Variants in DENND5A observed in about 807,000 individuals in gnomAD.
The protein encoded by DENND5A is DENN domain-containing protein 5A.
DENND5A carries 64 observed loss-of-function variants against 140.3 expected under a neutral mutation model. That is an observed-to-expected ratio of 0.46 (90% confidence interval 0.37 to 0.56). DENND5A has a LOEUF of 0.56. Among genes scored for constraint, DENND5A ranks in the 20% least tolerant of loss-of-function variants. The pLI, the probability that DENND5A is intolerant of heterozygous loss-of-function variation, is 0.00. For synonymous variants in DENND5A, 605 were observed against 607.7 expected, an observed-to-expected ratio of 1.00 and a Z score of 0.07; for missense variants, 1,292 against 1,593.8, an observed-to-expected ratio of 0.81 and a Z score of 3.22.
chr11:9,153,578 G>A (rs1013258609), intron 12 of DENND5A, among the ~76,000 whole-genome samples: 21 of 152,138 alleles, frequency 1.4e-4, no homozygotes, highest in African/African-American at 4.6e-4. Flanking sequence ...GAACTTCTCT[G>A]AATGTCAGTT....
intron 1 of DENND5A, among the ~76,000 whole-genome samples, chr11:9,241,907 G>A (rs1003150274): frequency 4.0e-5 from 6 of 151,830 alleles, no homozygotes; most frequent in South Asian, 2.1e-4. Context: ...CTAGCTATTC[G>A]GGAGGCTGAG....
At chr11:9,171,380 G>A (rs1848369102) in intron 8 of DENND5A, 2 of 152,410 alleles carry the variant, frequency 1.3e-5, no homozygotes, top group Middle Eastern at 3.4e-3. Context: ...GTACTCAGAG[G>A]GTCTTGCCTC....
chr11:9,182,874 G>C (rs1411011959), intron 5 of DENND5A, among the ~76,000 whole-genome samples: 4 of 152,072 alleles, frequency 2.6e-5, no homozygotes, highest in Non-Finnish European at 5.9e-5. Flanking sequence ...ACAAACATTT[G>C]TTGTATTTTT....
chr11:9,244,962 C>T (rs796755525), intron 1 of DENND5A, among the ~76,000 whole-genome samples: 8 of 151,464 alleles, frequency 5.3e-5, no homozygotes, highest in African/African-American at 1.9e-4. Context: ...CAGGCGTGAG[C>T]CACCGTGCTT....
chr11:9,168,017 A>G (rs1848246478), intron 10 of DENND5A, among the ~76,000 whole-genome samples: 2 of 151,218 alleles, frequency 1.3e-5, no homozygotes, highest in African/African-American at 4.9e-5. Flanking sequence ...TTGCTCCCTT[A>G]TATCAACTGG....
At chr11:9,204,343 C>T (rs1410433958) in intron 3 of DENND5A, 26 bp from the exon 4 acceptor site, 2 of 1,594,268 alleles carry the variant, frequency 1.3e-6, no homozygotes, top group African/African-American at 1.3e-5. Flanking sequence ...AGGCAACAAG[C>T]AGTGAGAACA....
chr11:9,189,626 T>G (rs1849042290), intron 5 of DENND5A, among the ~76,000 whole-genome samples: 1 of 151,696 alleles, frequency 6.6e-6, no homozygotes, highest in African/African-American at 2.4e-5. Context: ...TGGTTTTTTT[T>G]TTTTGGTTTT....
intron 16 of DENND5A, 92 bp downstream of exon 16, chr11:9,146,935 ATCT>A (rs888127974): frequency 7.1e-6 from 10 of 1,413,300 alleles, no homozygotes; most frequent in East Asian, 2.3e-5. Flanking sequence ...ACAAGGGATA[ATCT>A]TCTTTCTTTA....
intron 12 of DENND5A, among the ~76,000 whole-genome samples, chr11:9,159,983 C>A (rs1403393834): frequency 6.6e-6 from 1 of 152,192 alleles, no homozygotes; most frequent in African/African-American, 2.4e-5. Flanking sequence ...TAGAATGACA[C>A]AGGAAGGCAA....
chr11:9,177,124 T>C (rs1425530474), intron 8 of DENND5A, among the ~76,000 whole-genome samples: 1 of 151,622 alleles, frequency 6.6e-6, no homozygotes, highest in African/African-American at 2.4e-5. Flanking sequence ...TATGGTGGTA[T>C]GTGCCTGCAG....
At chr11:9,175,771 TG>T (rs962581798) in intron 8 of DENND5A, 10 of 151,838 alleles carry the variant, frequency 6.6e-5, no homozygotes, top group African/African-American at 2.4e-4. Context: ...AATATCTATA[TG>T]AAAAAAAAAT....
rs752974007 is a variant in DENND5A, at chr11:9,143,442, G to C, written c.3348C>G (p.Val1116=). 6 of 1,614,090 alleles carry C rather than the reference G, an allele frequency of 3.7e-6. No homozygotes were observed. Among genetic ancestry groups the C allele is most frequent in the Non-Finnish European group, 5.1e-6 (6 of 1,180,048 alleles). Residue 1116 remains valine, a synonymous_variant, in exon 20 of 23, where the codon GTC becomes GTG. Coordinates refer to ENST00000328194, the MANE Select transcript of DENND5A (RefSeq NM_015213.4). ...TATGGAAGTGCTTCACAATGCCATT[G>C]ACTGCCTCCCCGATGGACTCCTGGA... ...GQIQESIGEA[V]NGIVKHFHKP...
intron 1 of DENND5A, among the ~76,000 whole-genome samples, chr11:9,228,142 GGTCTTA>G (rs1300733300): frequency 2.1e-5 from 3 of 144,326 alleles, no homozygotes; most frequent in African/African-American, 7.8e-5. Context: ...ACTTACATTT[GGTCTTA>G]GTCCCTGGTT....
At chr11:9,231,816 TTC>T (rs910557270) in intron 1 of DENND5A, among the ~76,000 whole-genome samples, 2 of 151,872 alleles carry the variant, frequency 1.3e-5, no homozygotes, top group African/African-American at 4.8e-5. Context: ...TAGTAATAAA[TTC>T]TCTCTCTTTT....
At chr11:9,218,826 T>C (rs1232070009) in intron 1 of DENND5A, among the ~76,000 whole-genome samples, 2 of 152,008 alleles carry the variant, frequency 1.3e-5, no homozygotes, top group African/African-American at 4.8e-5. Flanking sequence ...GCCAACATGG[T>C]GAAACCCCAC....
At chr11:9,155,359 T>TGAC (rs1324149829) in intron 12 of DENND5A, among the ~76,000 whole-genome samples, 2 of 152,122 alleles carry the variant, frequency 1.3e-5, no homozygotes, top group African/African-American at 4.8e-5. Context: ...ACACATTAAG[T>TGAC]ACAGCTGGTG....
At chr11:9,183,758 G>A (rs547790196) in intron 5 of DENND5A, among the ~76,000 whole-genome samples, 46 of 152,244 alleles carry the variant, frequency 3.0e-4, no homozygotes, top group African/African-American at 1.0e-3. Context: ...CAGTCTTTTG[G>A]TAGTAACTTC....
intron 4 of DENND5A, among the ~76,000 whole-genome samples, chr11:9,200,739 T>C (rs1207404455): frequency 6.6e-6 from 1 of 152,236 alleles, no homozygotes; most frequent in Admixed American, 6.5e-5. Flanking sequence ...TCCTTAGTTC[T>C]AACTGACATC....
chr11:9,151,324 C>G (rs1847608341), intron 13 of DENND5A, among the ~76,000 whole-genome samples: 2 of 152,180 alleles, frequency 1.3e-5, no homozygotes, highest in African/African-American at 4.8e-5. Context: ...ATGTTTAAAA[C>G]TTAGTATTTT....
Sources: gnomAD v4.1 joint callset for allele counts (sites outside exome capture counted in the v4.1 genomes callset) on GRCh38, gnomAD v4.1.1 for gene constraint, MANE v1.5 for transcripts, NCBI Gene and HGNC (gene_info 2026-07-23, HGNC 2026-07-21) for gene names.